The following MACROD2 variants were observed in gnomAD, a reference collection of about 807,000 sequenced individuals.
MACROD2 encodes mono-ADP ribosylhydrolase 2.
Under a neutral mutation model 70.4 loss-of-function variants are expected in MACROD2, and 36 were observed. The ratio of observed to expected loss-of-function variants is 0.51; its 90% CI spans 0.39 to 0.68. The LOEUF (loss-of-function observed/expected upper bound fraction) is 0.68. Ranked by LOEUF, MACROD2 falls within the 30% of genes least tolerant of loss-of-function variation. The probability of loss-of-function intolerance (pLI) is 0.00; values close to 1 mark genes in which losing one functional copy is unlikely to be tolerated. For missense variants in MACROD2, 496 were observed against 538.4 expected, an observed-to-expected ratio of 0.92 and a Z score of 0.78; for synonymous variants, 172 against 178.8, an observed-to-expected ratio of 0.96 and a Z score of 0.30.
intron 6 of MACROD2, among the ~76,000 whole-genome samples, chr20:15,419,136 A>G (rs1453886714): frequency 6.6e-6 from 1 of 152,130 alleles, no homozygotes; most frequent in African/African-American, 2.4e-5. Context: ...TGAGAGTGAA[A>G]GGAAGAGTGG....
chr20:14,734,396 G>A lies in MACROD2; in HGVS notation c.418+49437G>A, dbSNP rs561425522. On this transcript the variant is annotated intron_variant, in intron 5 of 17. Transcript: ENST00000684519. ...GGTGCCTGTAGTCCCAGCTACTCAG[G>A]AGGCTGAGGCAGGAAAATGGAGTGA... Among the ~76,000 whole-genome samples, 117 of 151,634 alleles carry A rather than the reference G, an allele frequency of 7.7e-4. 1 individual carries two copies. Among genetic ancestry groups the A allele is most frequent in the African/African-American group, 2.6e-3 (106 of 41,344 alleles).
At chr20:15,085,866 C>CA (rs1455012864) in intron 5 of MACROD2, among the ~76,000 whole-genome samples, 8 of 110,252 alleles carry the variant, frequency 7.3e-5, no homozygotes, top group Non-Finnish European at 7.4e-5. Flanking sequence ...ATAACACACA[C>CA]ACACACAACA....
intron 5 of MACROD2, among the ~76,000 whole-genome samples, chr20:15,025,822 T>C (rs970207205): frequency 9.9e-5 from 15 of 152,204 alleles, no homozygotes; most frequent in Non-Finnish European, 1.9e-4. Context: ...TCTTGTCAAA[T>C]GTCCTCCTGG....
chr20:14,008,224 C>G (rs1220976272), intron 2 of MACROD2, among the ~76,000 whole-genome samples: 1 of 152,174 alleles, frequency 6.6e-6, no homozygotes, highest in African/African-American at 2.4e-5. Flanking sequence ...TAGAAAACCC[C>G]ATCATCTCAG....
rs1601278025 is a variant in MACROD2, at chr20:14,144,860, G to T, written c.271+59132G>T. ...GGTGTTGCCCATTGTACTGTATGAA[G>T]TTTTTCACCTCCAGACTATGCCTTG... is the stretch of plus-strand genomic sequence containing the variant. On this transcript the variant is annotated intron_variant, in intron 3 of 17. Transcript: ENST00000684519. 2.6e-5 allele frequency among the ~76,000 whole-genome samples: 4 copies of T among 152,244 alleles called. No individual in the cohort carries two copies. The South Asian group carries it at 6.2e-4, about 24-fold the overall frequency.
At chr20:15,305,411 A>G (rs1233029257) in intron 6 of MACROD2, among the ~76,000 whole-genome samples, 2 of 152,096 alleles carry the variant, frequency 1.3e-5, no homozygotes, top group Admixed American at 6.6e-5. Context: ...AATTTTTATC[A>G]TGTTTATTTT....
intron 7 of MACROD2, among the ~76,000 whole-genome samples, chr20:15,455,910 A>C (rs559754647): frequency 3.3e-5 from 5 of 152,240 alleles, no homozygotes; most frequent in African/African-American, 1.2e-4. Context: ...AATCTGTAAA[A>C]TAAAAATGAG....
At chr20:15,745,112 A>G (rs73107335) in intron 8 of MACROD2, among the ~76,000 whole-genome samples, 19,934 of 152,234 alleles carry the variant, frequency 0.13, 1,502 homozygotes, top group Non-Finnish European at 0.16. Flanking sequence ...CACTGTGTAC[A>G]TATACTACAG....
At chr20:15,951,646 C>G (rs2065907594) in intron 12 of MACROD2, among the ~76,000 whole-genome samples, 1 of 152,050 alleles carries the variant, frequency 6.6e-6, no homozygotes, top group African/African-American at 2.4e-5. Flanking sequence ...TATATGTGTA[C>G]TCAAAACAAC....
chr20:14,647,889 A>G (rs1985480315), intron 4 of MACROD2, among the ~76,000 whole-genome samples: 1 of 152,048 alleles, frequency 6.6e-6, no homozygotes, highest in East Asian at 1.9e-4. Flanking sequence ...ATAAGAGGGC[A>G]ACACCATATT....
chr20:15,025,638 G>A (rs1184150407), intron 5 of MACROD2, among the ~76,000 whole-genome samples: 1 of 152,096 alleles, frequency 6.6e-6, no homozygotes, highest in Non-Finnish European at 1.5e-5. Flanking sequence ...CCAAAGATCT[G>A]TACAGTAGGG....
At chr20:14,500,045 A>C (rs1304947431) in intron 4 of MACROD2, among the ~76,000 whole-genome samples, 1 of 152,208 alleles carries the variant, frequency 6.6e-6, no homozygotes, top group African/African-American at 2.4e-5. Flanking sequence ...AGAAGAGGTG[A>C]CATGGGAGCA....
intron 12 of MACROD2, among the ~76,000 whole-genome samples, chr20:15,955,685 C>A (rs1460149004): frequency 6.6e-6 from 1 of 151,982 alleles, no homozygotes; most frequent in Non-Finnish European, 1.5e-5. Flanking sequence ...ATGAGAACTA[C>A]ATATTAGTAG....
At chr20:15,723,846 G>C (rs1259988561) in intron 8 of MACROD2, among the ~76,000 whole-genome samples, 1 of 152,126 alleles carries the variant, frequency 6.6e-6, no homozygotes, top group Non-Finnish European at 1.5e-5. Context: ...AGTATATTTA[G>C]TTTTGTAAGA....
rs6074686 is a variant in MACROD2 at position 14,105,471 on chromosome 20, C to T, written c.271+19743C>T. ...CATTTGGACCAGACCTAGCCAGAGG[C>T]GAATTGCCCATCCCAGTGTTCAGAA... is the stretch of plus-strand genomic sequence containing the variant. On this transcript the variant is annotated intron_variant, in intron 3 of 17. Transcript: ENST00000684519. 1.5e-4 allele frequency among the ~76,000 whole-genome samples: 23 copies of T among 152,288 alleles called. No individual in the cohort carries two copies. The East Asian group carries it at 2.5e-3, about 17-fold the overall frequency.
intron 8 of MACROD2, among the ~76,000 whole-genome samples, chr20:15,785,118 C>G (rs1335555651): frequency 6.8e-6 from 1 of 146,438 alleles, no homozygotes; most frequent in Non-Finnish European, 1.5e-5. Flanking sequence ...CGCCGCTGCA[C>G]TCCAGCCTGG....
intron 4 of MACROD2, among the ~76,000 whole-genome samples, chr20:14,538,619 G>A (rs78473077): frequency 0.12 from 17,933 of 151,816 alleles, 1,525 homozygotes; most frequent in Non-Finnish European, 0.16. Flanking sequence ...TAACCACACC[G>A]GCCTTCTTTC....
rs1463889317 is a variant in MACROD2, at chr20:14,023,214, T to C, written c.163+20810T>C. ...TGCATAAATGTCTTCTTTGGAGAAG[T>C]GTCTGTTCATATCCTTCGCCCTTTT... On this transcript the variant is annotated intron_variant, in intron 2 of 17. Coordinates refer to ENST00000684519, the MANE Select transcript of MACROD2 (RefSeq NM_001351661.2). Among the ~76,000 whole-genome samples the C allele has an allele frequency of 4.6e-5, 7 of 152,236 alleles. No individual in the cohort carries two copies. The East Asian group carries it at 1.2e-3, about 25-fold the overall frequency.
At chr20:14,857,924 G>T (rs1600730214) in intron 5 of MACROD2, among the ~76,000 whole-genome samples, 2 of 152,030 alleles carry the variant, frequency 1.3e-5, no homozygotes, top group African/African-American at 4.8e-5. Flanking sequence ...GGGTTCAAGC[G>T]ATTCTCCTGC....
Sources: allele counts gnomAD v4.1 joint callset (sites outside exome capture counted in the v4.1 genomes callset), GRCh38; gene constraint gnomAD v4.1.1; transcripts MANE v1.5; gene names NCBI Gene and HGNC (gene_info 2026-07-23, HGNC 2026-07-21).